SYN3: variants seen among roughly 807,000 people sequenced by gnomAD.
SYN3 encodes the protein synapsin III.
In SYN3, 35 loss-of-function variants were observed where a neutral mutation model predicts 65.8. The observed-to-expected ratio is 0.53, with a 90% CI of 0.41 to 0.70. The LOEUF is 0.70. SYN3 is among the 30% of genes least tolerant of loss of function. The probability of loss-of-function intolerance (pLI) is 0.00; values close to 1 mark genes in which losing one functional copy is unlikely to be tolerated. For synonymous variants in SYN3, 270 were observed against 292.9 expected (o/e 0.92, Z 0.80); for missense variants, 680 against 749.0 (o/e 0.91, Z 1.08).
In SYN3 at chr22:33,006,844, T is replaced by C. The variant is rs1601891869; in HGVS notation, c.-162-20A>G. ...TACCTGCTGGAAATAAGCCAACAAA[T>C]ACATAAGTGGAAACGACCTCCACCC... On this transcript the variant is annotated intron_variant, in intron 1 of 13. Transcript: ENST00000358763. 1.8e-6 allele frequency: 1 copy of C among 559,074 alleles called. No individual in the cohort carries two copies. The highest frequency in any genetic ancestry group is 2.8e-5 in the East Asian group (1 of 35,234). 34.6% of individuals were successfully genotyped at this position (559,074 alleles called of 1,614,324 possible). A position where few individuals can be genotyped will look rare whatever the true frequency, so the allele number is the denominator to read the frequency against.
rs1044242174 is a variant in SYN3 at position 32,666,059 on chromosome 22, T to C, written c.712-69323A>G. Among the ~76,000 whole-genome samples, 13 of 152,262 alleles carry C rather than the reference T, an allele frequency of 8.5e-5. No individual in the cohort carries two copies. In the South Asian group the frequency reaches 1.0e-3, roughly 12 times the overall value. On this transcript the variant is annotated intron_variant, in intron 6 of 13. Transcript: ENST00000358763. ...AAACCCTGCGGCTCTCTCGATGCTTTCTCATCTTTCACACCTCACACCCAA... is the reference window on the plus strand; with the variant it reads ...AAACCCTGCGGCTCTCTCGATGCTTCCTCATCTTTCACACCTCACACCCAA...
At chr22:32,626,077 C>A (rs748310151) in intron 6 of SYN3, among the ~76,000 whole-genome samples, 2 of 152,022 alleles carry the variant, frequency 1.3e-5, no homozygotes, top group African/African-American at 2.4e-5. Context: ...TTGAAATGAC[C>A]GTGAAAGGAA....
chr22:33,054,906 C>T (rs1475333536), intron 1 of SYN3, among the ~76,000 whole-genome samples: 1 of 152,158 alleles, frequency 6.6e-6, no homozygotes, highest in African/African-American at 2.4e-5. Context: ...TCCCATATTC[C>T]CTGCATTTAA....
chr22:32,543,300 G>T (rs1173805585), intron 7 of SYN3, among the ~76,000 whole-genome samples: 1 of 152,144 alleles, frequency 6.6e-6, no homozygotes, highest in Non-Finnish European at 1.5e-5. Context: ...TTCTTGACTT[G>T]CTCAAGGTTA....
rs954728352 is a variant in SYN3, at chr22:32,512,264, T to G, written c.*1428A>C. The stretch of plus-strand genomic sequence containing the variant: ...GGCCAAAGCCACTTCCATTTTTACC[T>G]CCCTCTCTCCCTTCCCTGTGGACAG... On this transcript the variant is annotated 3_prime_UTR_variant, in exon 14 of 14. Coordinates refer to ENST00000358763, the MANE Select transcript of SYN3 (RefSeq NM_003490.4). Among the ~76,000 whole-genome samples, 27 of 152,198 alleles carry G rather than the reference T, an allele frequency of 1.8e-4. No homozygotes were observed. The highest frequency in any genetic ancestry group is 5.2e-4 in the Admixed American group (8 of 15,280).
At chr22:32,797,462 T>C (rs534523271) in intron 6 of SYN3, among the ~76,000 whole-genome samples, 1 of 152,062 alleles carries the variant, frequency 6.6e-6, no homozygotes, top group South Asian at 2.1e-4. Flanking sequence ...CCGGAGGAGG[T>C]GACATCTAAG....
intron 1 of SYN3, among the ~76,000 whole-genome samples, chr22:33,045,436 C>A (rs1402077231): frequency 6.8e-6 from 1 of 148,088 alleles, no homozygotes; most frequent in Non-Finnish European, 1.5e-5. Context: ...ACATCTCATT[C>A]ATCAACCAGG....
intron 3 of SYN3, among the ~76,000 whole-genome samples, chr22:32,949,804 C>T (rs1266764567): frequency 1.3e-5 from 2 of 152,042 alleles, no homozygotes; most frequent in African/African-American, 4.8e-5. Context: ...TGTTATTAGG[C>T]CAACAGGTCA....
At chr22:32,760,800 G>C (rs12170307) in intron 6 of SYN3, among the ~76,000 whole-genome samples, 5,634 of 152,274 alleles carry the variant, frequency 0.037, 343 homozygotes, top group African/African-American at 0.13. Flanking sequence ...GTTGGAACCA[G>C]AGCAATGGAT....
At chr22:32,599,947 T>A (rs1057102616) in intron 6 of SYN3, among the ~76,000 whole-genome samples, 1 of 152,084 alleles carries the variant, frequency 6.6e-6, no homozygotes, top group Admixed American at 6.6e-5. Context: ...GTCGCGGTCA[T>A]GTGCAAGTCT....
chr22:32,800,118 G>A (rs960470294), intron 6 of SYN3, among the ~76,000 whole-genome samples: 7 of 152,172 alleles, frequency 4.6e-5, no homozygotes, highest in Non-Finnish European at 8.8e-5. Context: ...CATCTCTCAC[G>A]AATTCTTCGG....
chr22:32,679,055 T>C (rs1208357728), intron 6 of SYN3, among the ~76,000 whole-genome samples: 2 of 138,426 alleles, frequency 1.4e-5, no homozygotes, highest in African/African-American at 5.4e-5. Flanking sequence ...TTTCTTTTTT[T>C]TTTTTTTTTT....
At chr22:32,598,937 A>T (rs1014354779) in intron 6 of SYN3, among the ~76,000 whole-genome samples, 1 of 152,186 alleles carries the variant, frequency 6.6e-6, no homozygotes, top group Non-Finnish European at 1.5e-5. Context: ...ATATGATAAG[A>T]TTAATTGAAA....
chr22:32,510,291 G>A lies in SYN3; in HGVS notation c.*3401C>T, dbSNP rs965757847. Among the ~76,000 whole-genome samples the A allele has an allele frequency of 3.3e-5, 5 of 152,164 alleles. No homozygotes were observed. Among genetic ancestry groups the A allele is most frequent in the Non-Finnish European group, 7.3e-5 (5 of 68,034 alleles). On this transcript the variant is annotated 3_prime_UTR_variant, in exon 14 of 14. Transcript: ENST00000358763. ...GAGATTGACAAAGATGCAGGTTCTG[G>A]GTCCTGTGACCAGAAATTCGGACTC...
chr22:32,674,718 G>T (rs2147081127), intron 6 of SYN3, among the ~76,000 whole-genome samples: 1 of 152,308 alleles, frequency 6.6e-6, no homozygotes, highest in South Asian at 2.1e-4. Context: ...AATGGCATAT[G>T]TATGCACACA....
At chr22:32,641,874 G>A (rs1014506380) in intron 6 of SYN3, among the ~76,000 whole-genome samples, 9 of 152,072 alleles carry the variant, frequency 5.9e-5, no homozygotes, top group Non-Finnish European at 1.3e-4. Flanking sequence ...GAAATTGGGG[G>A]ACCTCATTGT....
intron 6 of SYN3, among the ~76,000 whole-genome samples, chr22:32,734,509 G>GCGGCAGACAGACAGA (rs2061312196): frequency 1.2e-5 from 1 of 84,012 alleles, no homozygotes; most frequent in African/African-American, 5.2e-5. Flanking sequence ...GAAGAGGCAG[G>GCGGCAGACAGACAGA]CAGGCAGACA....
intron 6 of SYN3, among the ~76,000 whole-genome samples, chr22:32,796,944 C>T (rs984605774): frequency 2.0e-5 from 3 of 152,150 alleles, no homozygotes; most frequent in Admixed American, 1.3e-4. Flanking sequence ...CTTTGGTTGA[C>T]ATGTGGCCAG....
At chr22:32,956,137 C>T (rs933197367) in intron 3 of SYN3, among the ~76,000 whole-genome samples, 8 of 130,854 alleles carry the variant, frequency 6.1e-5, no homozygotes, top group African/African-American at 8.8e-5. Flanking sequence ...CAGAACCTGT[C>T]CCCCTCCCAG....
Sources: gnomAD v4.1 joint callset for allele counts (sites outside exome capture counted in the v4.1 genomes callset) on GRCh38, gnomAD v4.1.1 for gene constraint, MANE v1.5 for transcripts, NCBI Gene and HGNC (gene_info 2026-07-23, HGNC 2026-07-21) for gene names.